The following FAM217A variants were observed in gnomAD, a reference collection of about 807,000 sequenced individuals.
The protein encoded by FAM217A is protein FAM217A.
In FAM217A, 13 loss-of-function variants were observed where a neutral mutation model predicts 18.5. The observed-to-expected ratio is 0.70, with a 90% CI of 0.46 to 1.12. The LOEUF (loss-of-function observed/expected upper bound fraction) is 1.12. FAM217A is among the 50% of genes most tolerant of loss of function. FAM217A has a pLI of 0.00. For missense variants in FAM217A, 560 were observed against 575.4 expected (o/e 0.97, Z 0.27); for synonymous variants, 161 against 202.8 (o/e 0.79, Z 1.75).
intron 1 of FAM217A, among the ~76,000 whole-genome samples, chr6:4,086,259 C>A (rs1173337729): frequency 6.6e-6 from 1 of 151,842 alleles, no homozygotes; most frequent in Non-Finnish European, 1.5e-5. Flanking sequence ...CCAGCCTGAC[C>A]AACATGGAGA....
upstream of FAM217A, among the ~76,000 whole-genome samples, chr6:4,081,684 A>C (rs1291270200): frequency 2.0e-5 from 3 of 152,212 alleles, no homozygotes; most frequent in Non-Finnish European, 4.4e-5. Context: ...CCTTACAATT[A>C]CGAGAAAAAT....
At position 4,069,434 on chromosome 6, in the gene FAM217A, A is replaced by G. The variant is rs1427141885; in HGVS notation, c.789T>C (p.Asn263=). The G allele has an allele frequency of 6.2e-7, 1 of 1,614,184 alleles. No homozygotes were observed. The change falls in exon 7 of 7, where the codon AAT becomes AAC. Residue 263 remains asparagine, a synonymous_variant. Transcript: ENST00000274673. ...PPPFSALDLH[N]LALSKSDNWK... ...AATTGTCAGATTTGGAGAGGGCTAA[A>G]TTGTGCAAGTCTAGAGCACTGAAAG... is the stretch of plus-strand genomic sequence containing the variant.
intron 1 of FAM217A, among the ~76,000 whole-genome samples, chr6:4,078,400 G>A (rs1581893090): frequency 6.6e-6 from 1 of 152,156 alleles, no homozygotes; most frequent in South Asian, 2.1e-4. Context: ...TCTGCTAATC[G>A]TTTACAATTG....
chr6:4,068,616 T>G lies in FAM217A; in HGVS notation c.*80A>C, dbSNP rs1203092562. The G allele has an allele frequency of 4.8e-6, 7 of 1,449,134 alleles. No individual in the cohort carries two copies. Among genetic ancestry groups the G allele is most frequent in the Non-Finnish European group, 6.5e-6 (7 of 1,080,100 alleles). 89.8% of individuals were successfully genotyped at this position (1,449,134 alleles called of 1,614,324 possible). ...TTTGGGGGACTGTTAATAGTACCTG[T>G]GTCTTGGAATAATTAACCATATCTT... On this transcript the variant is annotated 3_prime_UTR_variant, in exon 7 of 7. Coordinates refer to ENST00000274673, the MANE Select transcript of FAM217A (RefSeq NM_173563.3).
chr6:4,082,616 G>A (rs187876958), upstream of FAM217A, among the ~76,000 whole-genome samples: 2 of 152,360 alleles, frequency 1.3e-5, no homozygotes, highest in Admixed American at 1.3e-4. Flanking sequence ...AGGAAGGAAT[G>A]CTGCTCAGAG....
Position 4,077,409 on chromosome 6 carries a change from C to G in FAM217A, c.6G>C (p.Gly2=), listed in dbSNP as rs755681312. The change falls in exon 2 of 7, where the codon GGG becomes GGC. Residue 2 remains glycine (G), a synonymous_variant. Transcript: ENST00000274673. ...TGTTAGCACAGTTCTCATTTCTTCT[C>G]CCCATTTTGTTGTAGCTGTTGCTCT... is the stretch of plus-strand genomic sequence containing the variant. The part of the protein sequence containing the change: M[G]RRNENCANSL... The G allele has an allele frequency of 2.5e-6, 4 of 1,614,060 alleles. No homozygotes were observed. Among genetic ancestry groups the G allele is most frequent in the Non-Finnish European group, 3.4e-6 (4 of 1,180,024 alleles).
At chr6:4,074,380 G>T in intron 4 of FAM217A, 63 bp downstream of exon 4, 1 of 1,406,112 alleles carries the variant, frequency 7.1e-7, no homozygotes, top group Non-Finnish European at 9.7e-7. Flanking sequence ...TTTTTTTAAA[G>T]AACATACTTA....
At chr6:4,073,027 C>T (rs1769530653) in intron 6 of FAM217A, among the ~76,000 whole-genome samples, 1 of 152,178 alleles carries the variant, frequency 6.6e-6, no homozygotes, top group Non-Finnish European at 1.5e-5. Context: ...ACAGGAAGTC[C>T]ATACTTTATC....
intron 2 of FAM217A, among the ~76,000 whole-genome samples, chr6:4,075,942 T>A (rs1769759097): frequency 6.6e-6 from 1 of 152,202 alleles, no homozygotes; most frequent in Non-Finnish European, 1.5e-5. Flanking sequence ...TGGCATGATA[T>A]GTACAAGGGC....
chr6:4,069,570 T>A lies in FAM217A; in HGVS notation c.653A>T (p.Tyr218Phe). The A allele has an allele frequency of 6.2e-7, 1 of 1,614,084 alleles. No homozygotes were observed. The highest frequency in any genetic ancestry group is 2.2e-5 in the East Asian group (1 of 44,876). ...NEKTNDTLLSYFKKVDLNLKP... is the reference protein window; with the variant it reads ...NEKTNDTLLSFFKKVDLNLKP... The stretch of plus-strand genomic sequence containing the variant: ...CAAGTTCAGGTCCACCTTTTTAAAA[T>A]AGCTGAGTAAAGTATCATTTGTCTT... Residue 218 changes from tyrosine to phenylalanine, a missense_variant, in exon 7 of 7, where the codon TAT becomes TTT. Physicochemically the swap from Tyr to Phe is conservative, Grantham distance 22. Transcript: ENST00000274673.
chr6:4,084,247 T>A (rs1770495277), intron 2 of FAM217A, among the ~76,000 whole-genome samples: 8 of 152,230 alleles, frequency 5.3e-5, no homozygotes, highest in Admixed American at 5.2e-4. Flanking sequence ...GGGAGGCCAT[T>A]GTTTTGTTGC....
intron 1 of FAM217A, among the ~76,000 whole-genome samples, chr6:4,078,199 G>A (rs527994377): frequency 6.6e-6 from 1 of 151,910 alleles, no homozygotes; most frequent in Non-Finnish European, 1.5e-5. Flanking sequence ...GATTACAGGC[G>A]AGCACCACTA....
At chr6:4,076,097 G>A (rs1286577329) in intron 2 of FAM217A, among the ~76,000 whole-genome samples, 2 of 151,938 alleles carry the variant, frequency 1.3e-5, no homozygotes, top group Admixed American at 6.6e-5. Context: ...GGGAGGCCGA[G>A]GCGGGCAGAT....
chr6:4,076,854 G>A (rs531651220), intron 2 of FAM217A, among the ~76,000 whole-genome samples: 10 of 152,286 alleles, frequency 6.6e-5, no homozygotes, highest in Middle Eastern at 3.4e-3. Flanking sequence ...GGAGACAGAG[G>A]AAGACTAAGT....
Position 4,077,219 on chromosome 6 carries a change from C to G in FAM217A, c.60+136G>C, listed in dbSNP as rs555240250. ...TTTCCATTTGCTGTTCCAAATGTGC[C>G]AAAAGGAAAACACAGGATAAACTGC... On this transcript the variant is annotated intron_variant, in intron 2 of 6. Coordinates refer to ENST00000274673, the MANE Select transcript of FAM217A (RefSeq NM_173563.3). 1.0e-5 allele frequency: 8 copies of G among 766,312 alleles called. No homozygotes were observed. In the South Asian group the frequency reaches 1.8e-4, roughly 17 times the overall value. 47.5% of individuals were successfully genotyped at this position (766,312 alleles called of 1,614,324 possible).
Position 4,078,848 on chromosome 6 carries a change from C to A in FAM217A, c.-35+4G>T, listed in dbSNP as rs1770052092. 8.6e-6 allele frequency: 4 copies of A among 466,628 alleles called. No individual in the cohort carries two copies. The East Asian group carries it at 1.1e-4, about 12-fold the overall frequency. The allele number at this position is 466,628 out of a possible 1,614,324, so 28.9% of individuals were successfully genotyped here. A position where few individuals can be genotyped will look rare whatever the true frequency, so the allele number is the denominator to read the frequency against. On this transcript the variant is annotated splice_donor_region_variant and intron_variant, in intron 1 of 6. Transcript: ENST00000274673. ...ATTCCCCGGGGCCGGGGCTCTCAAC[C>A]CACCGCGCGAAGGCCCACGTGTCCT...
upstream of FAM217A, among the ~76,000 whole-genome samples, chr6:4,083,371 C>T (rs1475145683): frequency 1.3e-5 from 2 of 152,200 alleles, no homozygotes; most frequent in African/African-American, 2.4e-5. Context: ...AGCAACATTA[C>T]TTAGTTTCTA....
intron 2 of FAM217A, 89 bp downstream of exon 2, chr6:4,077,266 G>T: frequency 1.6e-6 from 2 of 1,289,296 alleles, no homozygotes; most frequent in Non-Finnish European, 2.2e-6. Flanking sequence ...ACGCAGCAAG[G>T]GCATCACTAC....
chr6:4,069,522 AC>A lies in FAM217A; in HGVS notation c.700del (p.Val234LeufsTer26). On this transcript the variant is annotated frameshift_variant, in exon 7 of 7. Coordinates refer to ENST00000274673, the MANE Select transcript of FAM217A (RefSeq NM_173563.3). LOFTEE classifies it low-confidence loss of function (END_TRUNC). ...TGGCTCCTCGGTGAAAGGTTCCTCAACATTTTTTATTGTTTCTGGCTTCAAG... is the reference window on the plus strand; with the variant it reads ...TGGCTCCTCGGTGAAAGGTTCCTCAAATTTTTTATTGTTTCTGGCTTCAAG... Reference protein sequence around the residue: ...LNLKPETIKNVEEPFTEEPNE... With the variant: ...LNLKPETIKNXEEPFTEEPNE... 6.2e-7 allele frequency: 1 copy of A among 1,614,188 alleles called. No homozygotes were observed. The highest frequency in any genetic ancestry group is 8.5e-7 in the Non-Finnish European group (1 of 1,180,026).
Sources: allele counts gnomAD v4.1 joint callset (sites outside exome capture counted in the v4.1 genomes callset), GRCh38; gene constraint gnomAD v4.1.1; transcripts MANE v1.5; gene names NCBI Gene and HGNC (gene_info 2026-07-23, HGNC 2026-07-21).